TMIGD3: variants seen among roughly 807,000 people sequenced by gnomAD.
The protein encoded by TMIGD3 is AD026 protein (AD026).
In TMIGD3, 21 loss-of-function variants were observed where a neutral mutation model predicts 28.1. The ratio of observed to expected loss-of-function variants is 0.75; its 90% confidence interval spans 0.53 to 1.08. TMIGD3 has a LOEUF of 1.08. Ranked by LOEUF, TMIGD3 falls within the 50% of genes least tolerant of loss-of-function variation. TMIGD3 has a pLI of 0.00. For synonymous variants in TMIGD3, 151 were observed against 162.1 expected (o/e 0.93, Z 0.52); for missense variants, 416 against 435.6 (o/e 0.96, Z 0.40).
chr1:111,502,923 T>C, intron 1 of TMIGD3, 82 bp downstream of exon 1: 9 of 1,522,028 alleles, frequency 5.9e-6, no homozygotes, highest in Non-Finnish European at 8.0e-6. Context: ...GATACATTTT[T>C]ACTCAAAAAG....
intron 1 of TMIGD3, among the ~76,000 whole-genome samples, chr1:111,545,886 TC>T (rs144324137): frequency 1.4e-3 from 213 of 152,228 alleles, no homozygotes; most frequent in African/African-American, 4.8e-3. Flanking sequence ...CTGTCCTTTC[TC>T]CCCGGAACAG....
intron 1 of TMIGD3, among the ~76,000 whole-genome samples, chr1:111,527,435 G>A (rs1656305891): frequency 6.6e-6 from 1 of 152,090 alleles, no homozygotes; most frequent in Admixed American, 6.6e-5. Flanking sequence ...TTACTTCCAA[G>A]TTTTGGCAAT....
At chr1:111,549,649 C>CAAAAA (rs370585012) in intron 1 of TMIGD3, among the ~76,000 whole-genome samples, 1 of 94,448 alleles carries the variant, frequency 1.1e-5, no homozygotes, top group South Asian at 3.5e-4. Context: ...GACTCTGTTT[C>CAAAAA]AAAAAAAAAA....
intron 3 of TMIGD3, 141 bp from the exon 4 acceptor site, chr1:111,486,793 G>A (rs1010601973): frequency 2.9e-5 from 21 of 735,506 alleles, no homozygotes; most frequent in Non-Finnish European, 4.8e-5. Context: ...GAGGTACCAC[G>A]CGCAGTTGTA....
intron 1 of TMIGD3, chr1:111,542,209 G>T: frequency 1.8e-6 from 1 of 559,388 alleles, no homozygotes; most frequent in South Asian, 1.4e-5. Context: ...CCAGCTTAAT[G>T]AAACAGACAT....
chr1:111,562,477 C>T (rs1657779580), intron 1 of TMIGD3, among the ~76,000 whole-genome samples: 1 of 152,124 alleles, frequency 6.6e-6, no homozygotes, highest in Non-Finnish European at 1.5e-5. Context: ...GCATTTGTGT[C>T]CATCAGATTT....
chr1:111,504,097 G>A (rs1032688597), upstream of TMIGD3: 5 of 985,296 alleles, frequency 5.1e-6, no homozygotes, highest in South Asian at 1.4e-4. Flanking sequence ...GAGCACAGCC[G>A]ATACCCAGCC....
chr1:111,499,247 T>A (rs1046411496), intron 1 of TMIGD3, among the ~76,000 whole-genome samples: 6 of 152,176 alleles, frequency 3.9e-5, no homozygotes, highest in Admixed American at 1.3e-4. Flanking sequence ...AATAGATGAA[T>A]GGTTCATAAA....
At chr1:111,545,364 T>C (rs1656998721) in intron 1 of TMIGD3, among the ~76,000 whole-genome samples, 1 of 152,180 alleles carries the variant, frequency 6.6e-6, no homozygotes, top group African/African-American at 2.4e-5. Context: ...TGCATTTGTG[T>C]AATGACTAAT....
intron 3 of TMIGD3, among the ~76,000 whole-genome samples, chr1:111,487,198 C>T (rs950503172): frequency 3.3e-5 from 5 of 152,172 alleles, no homozygotes; most frequent in Non-Finnish European, 7.4e-5. Context: ...CTAAGGAGTA[C>T]GTTCAGGTGG....
intron 1 of TMIGD3, among the ~76,000 whole-genome samples, chr1:111,530,469 A>G (rs1323722942): frequency 2.0e-5 from 3 of 152,154 alleles, no homozygotes; most frequent in Non-Finnish European, 4.4e-5. Flanking sequence ...CCTTCTGCCA[A>G]TAGAACTTCC....
At chr1:111,513,068 A>G (rs1257666587) in intron 1 of TMIGD3, among the ~76,000 whole-genome samples, 1 of 152,234 alleles carries the variant, frequency 6.6e-6, no homozygotes, top group East Asian at 1.9e-4. Context: ...GACAGTTCAC[A>G]GCTTCCAGAC....
chr1:111,499,644 C>T, intron 1 of TMIGD3: 1 of 1,145,954 alleles, frequency 8.7e-7, no homozygotes. Context: ...CAACTAGGCA[C>T]CCTTCAGGCT....
At chr1:111,500,590 C>T in intron 1 of TMIGD3, 1 of 1,600,042 alleles carries the variant, frequency 6.2e-7, no homozygotes, top group Non-Finnish European at 8.5e-7. Context: ...GAGTCCACAG[C>T]AGTAATTGCT....
At chr1:111,563,327 T>C (rs936963377) in intron 1 of TMIGD3, among the ~76,000 whole-genome samples, 4 of 152,194 alleles carry the variant, frequency 2.6e-5, no homozygotes, top group Admixed American at 1.3e-4. Flanking sequence ...GTCTGTGCTC[T>C]TAACAACAAG....
At chr1:111,507,006 C>CGTGT (rs1557827871), upstream of TMIGD3, among the ~76,000 whole-genome samples, 1 of 119,894 alleles carries the variant, frequency 8.3e-6, no homozygotes, top group African/African-American at 3.2e-5. Context: ...TATACACACA[C>CGTGT]ATATGTGTGT....
intron 1 of TMIGD3, among the ~76,000 whole-genome samples, chr1:111,546,321 G>A (rs1657032595): frequency 6.6e-6 from 1 of 152,082 alleles, no homozygotes; most frequent in Non-Finnish European, 1.5e-5. Flanking sequence ...GTGGCATTAA[G>A]TACATTTACA....
chr1:111,497,356 C>T (rs1178911124), intron 1 of TMIGD3, among the ~76,000 whole-genome samples: 3 of 152,206 alleles, frequency 2.0e-5, no homozygotes, highest in East Asian at 1.9e-4. Context: ...GTGATCCGCC[C>T]ACCTCGGCCT....
At chr1:111,516,925 C>A (rs1219919034) in intron 1 of TMIGD3, among the ~76,000 whole-genome samples, 1 of 152,184 alleles carries the variant, frequency 6.6e-6, no homozygotes, top group Non-Finnish European at 1.5e-5. Flanking sequence ...TTCTAGGCAC[C>A]ATTCTCACTC....
Sources: allele counts gnomAD v4.1 joint callset (sites outside exome capture counted in the v4.1 genomes callset), GRCh38; gene constraint gnomAD v4.1.1; transcripts MANE v1.5; gene names NCBI Gene and HGNC (gene_info 2026-07-23, HGNC 2026-07-21).